OPA1: variants seen among roughly 807,000 people sequenced by gnomAD.
OPA1 encodes the protein OPA1 mitochondrial dynamin like GTPase.
In OPA1, 59 loss-of-function variants were observed where a neutral mutation model predicts 152.9. The ratio of observed to expected loss-of-function variants is 0.39; its 90% confidence interval spans 0.31 to 0.48. OPA1 has a LOEUF of 0.48. Ranked by LOEUF, OPA1 falls within the 20% of genes least tolerant of loss-of-function variation. The pLI is 0.96. For missense variants in OPA1, 1,008 were observed against 1,216.8 expected, an observed-to-expected ratio of 0.83 and a Z score of 2.55; for synonymous variants, 400 against 389.9, an observed-to-expected ratio of 1.03 and a Z score of -0.31.
rs181604009 is a variant in OPA1, at chr3:193,650,603, G to T, written c.2012+1732G>T. ...TGTTTGATCTATATTTGGTTATCTG[G>T]AAAGTGTTAAAAGCATTTTATGTCA... On this transcript the variant is annotated intron_variant, in intron 21 of 30. Transcript: ENST00000361510. Among the ~76,000 whole-genome samples, 18 of 152,242 alleles carry T rather than the reference G, an allele frequency of 1.2e-4. 1 individual carries two copies. In the East Asian group the frequency reaches 3.5e-3, roughly 29 times the overall value.
At chr3:193,604,050 C>G (rs995636643) in intron 1 of OPA1, among the ~76,000 whole-genome samples, 3 of 152,188 alleles carry the variant, frequency 2.0e-5, no homozygotes, top group East Asian at 3.8e-4. Context: ...AATAGACTTT[C>G]CACAGCGTGT....
intron 21 of OPA1, among the ~76,000 whole-genome samples, chr3:193,652,719 G>T (rs1211890521): frequency 1.3e-5 from 2 of 152,094 alleles, no homozygotes; most frequent in African/African-American, 4.8e-5. Flanking sequence ...ATGGAACCGG[G>T]TATTACAGGA....
At position 193,617,844 on chromosome 3, in the gene OPA1, A is replaced by G; in HGVS notation, c.610+7A>G. The G allele has an allele frequency of 1.2e-6, 2 of 1,608,492 alleles. No homozygotes were observed. Among genetic ancestry groups the G allele is most frequent in the Non-Finnish European group, 1.7e-6 (2 of 1,175,104 alleles). On this transcript the variant is annotated splice_region_variant and intron_variant, in intron 5 of 30. Transcript: ENST00000361510. ...GACCTACTTCTCTTGTTAGGTGTGT[A>G]AACAGACATTTTTGCTGACCTTAAC...
chr3:193,601,902 C>G (rs1484086254), intron 1 of OPA1, among the ~76,000 whole-genome samples: 1 of 152,132 alleles, frequency 6.6e-6, no homozygotes, highest in African/African-American at 2.4e-5. Context: ...GGCACTGGCA[C>G]CCTTGGAATC....
chr3:193,669,714 A>G (rs1222970097), intron 29 of OPA1, among the ~76,000 whole-genome samples: 1 of 152,228 alleles, frequency 6.6e-6, no homozygotes, highest in African/African-American at 2.4e-5. Context: ...TTTTACCAGC[A>G]TAACACATTT....
rs143991546 is a variant in OPA1 at position 193,643,679 on chromosome 3, A to G, written c.1477+52A>G. ...TACTGATATGTTTTCTTCTTTAGCA[A>G]TCCAAGCTTTGCATTAAATAGTTTG... On this transcript the variant is annotated intron_variant, in intron 15 of 30. Transcript: ENST00000361510. The G allele has an allele frequency of 1.9e-4, 276 of 1,470,360 alleles. 1 individual carries two copies. The East Asian group carries it at 6.1e-3, about 33-fold the overall frequency. The allele number at this position is 1,470,360 out of a possible 1,614,324, so 91.1% of individuals were successfully genotyped here.
At chr3:193,645,953 G>A (rs534559776) in intron 18 of OPA1, among the ~76,000 whole-genome samples, 153 bp downstream of exon 18, 39 of 152,106 alleles carry the variant, frequency 2.6e-4, no homozygotes, top group Non-Finnish European at 5.4e-4. Flanking sequence ...TAATAAACAA[G>A]TCCTTAGCTA....
intron 8 of OPA1, among the ~76,000 whole-genome samples, chr3:193,632,872 A>C (rs992174527): frequency 6.6e-6 from 1 of 152,234 alleles, no homozygotes; most frequent in Non-Finnish European, 1.5e-5. Flanking sequence ...AAAACAAAAA[A>C]GAATAAGAAA....
chr3:193,675,643 A>G (rs1267904069), intron 29 of OPA1, among the ~76,000 whole-genome samples: 1 of 152,182 alleles, frequency 6.6e-6, no homozygotes, highest in Non-Finnish European at 1.5e-5. Flanking sequence ...AGATACTGCC[A>G]GTGTTGTTTA....
chr3:193,658,861 GC>G, intron 23 of OPA1, 25 bp from the exon 24 acceptor site: 1 of 1,528,598 alleles, frequency 6.5e-7, no homozygotes, highest in Non-Finnish European at 9.1e-7. Flanking sequence ...AAACAAGTTG[GC>G]TTTTTCTCTT....
intron 17 of OPA1, 49 bp downstream of exon 17, chr3:193,645,674 C>A: frequency 1.9e-6 from 3 of 1,606,944 alleles, no homozygotes; most frequent in South Asian, 2.2e-5. Flanking sequence ...CTGTTGTTTT[C>A]AAATAATAAA....
intron 21 of OPA1, among the ~76,000 whole-genome samples, chr3:193,650,687 G>A (rs535269600): frequency 6.6e-6 from 1 of 152,200 alleles, no homozygotes; most frequent in East Asian, 1.9e-4. Context: ...TAAGTTTTAG[G>A]AAGGTTATTA....
intron 1 of OPA1, among the ~76,000 whole-genome samples, chr3:193,605,090 T>A (rs1319856779): frequency 2.6e-5 from 4 of 152,118 alleles, no homozygotes; most frequent in Non-Finnish European, 4.4e-5. Flanking sequence ...ATGAAGGGGC[T>A]TCAGTAAACC....
intron 21 of OPA1, among the ~76,000 whole-genome samples, chr3:193,652,580 C>G (rs151115001): frequency 6.6e-6 from 1 of 152,252 alleles, no homozygotes; most frequent in Admixed American, 6.5e-5. Context: ...CTTTCTAACT[C>G]TGAAGGCCAT....
In OPA1 at chr3:193,631,547, T is replaced by A. The variant is rs557769690; in HGVS notation, c.790-65T>A. The A allele has an allele frequency of 1.2e-5, 14 of 1,212,604 alleles. No homozygotes were observed. In the East Asian group the frequency reaches 3.0e-4, roughly 26 times the overall value. The allele number at this position is 1,212,604 out of a possible 1,614,324, so 75.1% of individuals were successfully genotyped here. ...TAACTCTCAATACTTATCAAAAAAA[T>A]TTAACTTGCTGTACATTCTGTATAA... On this transcript the variant is annotated intron_variant, in intron 7 of 30. Transcript: ENST00000361510.
At chr3:193,683,109 C>A (rs1178988715) in intron 29 of OPA1, among the ~76,000 whole-genome samples, 1 of 152,084 alleles carries the variant, frequency 6.6e-6, no homozygotes, top group Non-Finnish European at 1.5e-5. Context: ...TGATTCCAAC[C>A]CTCATGGATG....
intron 21 of OPA1, among the ~76,000 whole-genome samples, chr3:193,651,708 A>C (rs1712496363): frequency 6.6e-6 from 1 of 152,198 alleles, no homozygotes; most frequent in Admixed American, 6.5e-5. Context: ...TTTAGATTTA[A>C]AAAAGGGATT....
chr3:193,638,379 T>A (rs1470064830), intron 11 of OPA1, among the ~76,000 whole-genome samples: 1 of 152,136 alleles, frequency 6.6e-6, no homozygotes, highest in African/African-American at 2.4e-5. Flanking sequence ...ATAGATAATT[T>A]TCTAGTTTTA....
chr3:193,617,234 TTTG>T lies in OPA1; in HGVS notation c.506_508del (p.Phe169_Asp170delinsTyr), dbSNP rs760263649. 3.6e-5 allele frequency: 58 copies of T among 1,613,232 alleles called. No individual in the cohort carries two copies. Among genetic ancestry groups the T allele is most frequent in the Non-Finnish European group, 2.5e-6 (3 of 1,179,436 alleles). ...AGACCTTGTAAAGTTAGCACCAGAC[TTTG>T]ACAAGATTGTTGAAAGCCTTAGCTT... On this transcript the variant is annotated inframe_deletion, in exon 4 of 31. Transcript: ENST00000361510.
Sources: allele counts gnomAD v4.1 joint callset (sites outside exome capture counted in the v4.1 genomes callset), GRCh38; gene constraint gnomAD v4.1.1; transcripts MANE v1.5; gene names NCBI Gene and HGNC (gene_info 2026-07-23, HGNC 2026-07-21).